The following TK2 variants were observed in gnomAD, a reference collection of about 807,000 sequenced individuals.
TK2 encodes thymidine kinase 2.
In TK2, 35 loss-of-function variants were observed where a neutral mutation model predicts 41.9. The ratio of observed to expected loss-of-function variants is 0.84; its 90% confidence interval spans 0.64 to 1.11. The LOEUF (loss-of-function observed/expected upper bound fraction) is 1.11. Ranked by LOEUF, TK2 falls within the 50% of genes least tolerant of loss-of-function variation. The pLI, the probability that TK2 is intolerant of heterozygous loss-of-function variation, is 0.00. For missense variants in TK2, 320 were observed against 351.1 expected, an observed-to-expected ratio of 0.91 and a Z score of 0.71; for synonymous variants, 128 against 129.1, an observed-to-expected ratio of 0.99 and a Z score of 0.06.
intron 6 of TK2, among the ~76,000 whole-genome samples, chr16:66,519,257 C>T (rs1964708651): frequency 6.6e-6 from 1 of 152,306 alleles, no homozygotes; most frequent in East Asian, 1.9e-4. Context: ...CAGCTCACAG[C>T]AATCTCCGCC....
intron 4 of TK2, among the ~76,000 whole-genome samples, chr16:66,533,778 T>G (rs1433187358): frequency 6.6e-6 from 1 of 151,738 alleles, no homozygotes. Flanking sequence ...GAGGCCGAGG[T>G]GCGCGGATCA....
intron 3 of TK2, among the ~76,000 whole-genome samples, chr16:66,540,173 CTTTTTT>C (rs200305417): frequency 2.3e-5 from 3 of 130,782 alleles, no homozygotes; most frequent in East Asian, 2.2e-4. Flanking sequence ...TTTCTTTTTT[CTTTTTT>C]TTTTTTTTTT....
intron 3 of TK2, among the ~76,000 whole-genome samples, chr16:66,537,521 CCT>C (rs1167728242): frequency 6.6e-6 from 1 of 152,192 alleles, no homozygotes; most frequent in African/African-American, 2.4e-5. Flanking sequence ...TAGTACGCTC[CCT>C]GTCTCACTGG....
At chr16:66,519,301 C>A (rs2144362153) in intron 6 of TK2, among the ~76,000 whole-genome samples, 1 of 152,286 alleles carries the variant, frequency 6.6e-6, no homozygotes, top group East Asian at 1.9e-4. Flanking sequence ...GCCTCAGCCT[C>A]CTGAGTAGCT....
intron 4 of TK2, among the ~76,000 whole-genome samples, chr16:66,535,903 T>C (rs541186342): frequency 6.6e-6 from 1 of 152,084 alleles, no homozygotes; most frequent in Non-Finnish European, 1.5e-5. Flanking sequence ...CCAATTGTGT[T>C]GCTAAAAATC....
chr16:66,529,202 C>G (rs1041063843), intron 5 of TK2, 135 bp from the exon 6 acceptor site: 1 of 833,062 alleles, frequency 1.2e-6, no homozygotes, highest in Non-Finnish European at 2.0e-6. Flanking sequence ...GAGAGTGAAG[C>G]AGGAGGACCT....
chr16:66,542,217 C>G (rs1965479013), intron 2 of TK2, among the ~76,000 whole-genome samples: 1 of 152,186 alleles, frequency 6.6e-6, no homozygotes, highest in African/African-American at 2.4e-5. Flanking sequence ...CCATACACAG[C>G]TTGTCTGCCC....
intron 4 of TK2, among the ~76,000 whole-genome samples, chr16:66,533,906 G>A (rs1965197162): frequency 6.6e-6 from 1 of 151,078 alleles, no homozygotes; most frequent in African/African-American, 2.4e-5. Flanking sequence ...TACTCGGGAG[G>A]CTGAGGCAGG....
intron 2 of TK2, among the ~76,000 whole-genome samples, chr16:66,544,948 G>A (rs914577211): frequency 3.3e-5 from 5 of 151,986 alleles, no homozygotes; most frequent in Non-Finnish European, 4.4e-5. Context: ...TTAGCCAGGC[G>A]TGGTGGCGGA....
In TK2 at chr16:66,509,711, C is replaced by A. The variant is rs1964394394; in HGVS notation, c.*2257G>T. The A allele has an allele frequency of 1.3e-5, 2 of 152,592 alleles. No homozygotes were observed. Among genetic ancestry groups the A allele is most frequent in the Admixed American group, 6.5e-5 (1 of 15,290 alleles). 9.5% of individuals were successfully genotyped at this position (152,592 alleles called of 1,614,324 possible). On this transcript the variant is annotated 3_prime_UTR_variant, in exon 10 of 10. Coordinates refer to ENST00000544898, the MANE Select transcript of TK2 (RefSeq NM_004614.5). ...TACAGGGATGCCAGCCCCTGCCATG[C>A]CCCTCCCAGCCATGACCCCCCAGTG... is the stretch of plus-strand genomic sequence containing the variant.
intron 6 of TK2, among the ~76,000 whole-genome samples, chr16:66,524,011 T>C (rs939174227): frequency 5.3e-5 from 8 of 152,206 alleles, no homozygotes; most frequent in Non-Finnish European, 1.5e-5. Context: ...CTTTGCCCTA[T>C]GGCTGCCTGA....
Position 66,517,901 on chromosome 16 carries a change from T to C in TK2, c.450-24A>G. ...CACTGCAATGAGAGTTGTAAGGGCTTATTCACCTAAGAGAAAACTTCTGGG... is the reference window on the plus strand; with the variant it reads ...CACTGCAATGAGAGTTGTAAGGGCTCATTCACCTAAGAGAAAACTTCTGGG... On this transcript the variant is annotated intron_variant, in intron 6 of 9. Coordinates refer to ENST00000544898, the MANE Select transcript of TK2 (RefSeq NM_004614.5). This position sits in a 1 kb window ranked among gnomAD's most constrained non-coding sequence, Gnocchi z 4.3. 2 of 1,602,058 alleles carry C rather than the reference T, an allele frequency of 1.2e-6. No homozygotes were observed. Among genetic ancestry groups the C allele is most frequent in the Non-Finnish European group, 1.7e-6 (2 of 1,168,972 alleles).
At chr16:66,547,542 C>T (rs987134007) in intron 2 of TK2, among the ~76,000 whole-genome samples, 1 of 152,204 alleles carries the variant, frequency 6.6e-6, no homozygotes, top group Non-Finnish European at 1.5e-5. Flanking sequence ...GCCTCAAACT[C>T]TGCTCCATCT....
chr16:66,544,340 A>G (rs1965542467), intron 2 of TK2, among the ~76,000 whole-genome samples: 1 of 152,260 alleles, frequency 6.6e-6, no homozygotes. Flanking sequence ...CATTGAAGAA[A>G]ATACAGAAAA....
chr16:66,544,065 T>C (rs1965534953), intron 2 of TK2, among the ~76,000 whole-genome samples: 1 of 152,216 alleles, frequency 6.6e-6, no homozygotes, highest in African/African-American at 2.4e-5. Context: ...TTCTTTCCTG[T>C]TCATTGAAGC....
intron 6 of TK2, among the ~76,000 whole-genome samples, chr16:66,525,157 G>A (rs1486469467): frequency 1.3e-5 from 2 of 152,168 alleles, no homozygotes; most frequent in Admixed American, 1.3e-4. Flanking sequence ...CGTTTCCAGG[G>A]AACACATAAG....
chr16:66,530,852 G>A (rs1169782056), intron 5 of TK2, among the ~76,000 whole-genome samples: 5 of 151,900 alleles, frequency 3.3e-5, no homozygotes, highest in Non-Finnish European at 7.4e-5. Flanking sequence ...CAAGTGGCTG[G>A]GATTATAGGC....
At chr16:66,513,181 A>T (rs1415678742) in intron 9 of TK2, among the ~76,000 whole-genome samples, 1 of 152,236 alleles carries the variant, frequency 6.6e-6, no homozygotes, top group African/African-American at 2.4e-5. Context: ...ACACATCAAT[A>T]TCAGTCAGAA....
In TK2 at chr16:66,550,090, G is replaced by C; in HGVS notation, c.-29C>G. 6.2e-7 allele frequency: 1 copy of C among 1,604,934 alleles called. No individual in the cohort carries two copies. The highest frequency in any genetic ancestry group is 8.5e-7 in the Non-Finnish European group (1 of 1,176,988). ...CGGGCGAGCGGATCCAGAGGCCCGG[G>C]GTTCCTTCTTGTGCGAGTCGGCGCG... On this transcript the variant is annotated 5_prime_UTR_variant, in exon 1 of 10. Transcript: ENST00000544898.
Sources: gnomAD v4.1 joint callset for allele counts (sites outside exome capture counted in the v4.1 genomes callset) on GRCh38, gnomAD v4.1.1 for gene constraint, Gnocchi (gnomAD v3.1) non-coding constraint, MANE v1.5 for transcripts, NCBI Gene and HGNC (gene_info 2026-07-23, HGNC 2026-07-21) for gene names.